Variants in IMMP2L observed in about 807,000 individuals in gnomAD.
IMMP2L encodes inner mitochondrial membrane peptidase subunit 2.
Under a neutral mutation model 19.3 loss-of-function variants are expected in IMMP2L, and 18 were observed. The observed-to-expected ratio is 0.93, with a 90% CI of 0.64 to 1.38. The LOEUF is 1.38. Ranked by LOEUF, IMMP2L falls within the 40% of genes most tolerant of loss-of-function variation. The probability of loss-of-function intolerance (pLI) is 0.00; values close to 1 mark genes in which losing one functional copy is unlikely to be tolerated. For missense variants in IMMP2L, 233 were observed against 218.2 expected (o/e 1.07, Z -0.43); for synonymous variants, 76 against 73.0 (o/e 1.04, Z -0.21).
intron 3 of IMMP2L, among the ~76,000 whole-genome samples, chr7:111,256,485 T>C (rs1374007561): frequency 2.0e-5 from 3 of 152,068 alleles, no homozygotes; most frequent in Non-Finnish European, 4.4e-5. Flanking sequence ...ATGAATAGAA[T>C]ATGTCAGTGA....
intron 3 of IMMP2L, among the ~76,000 whole-genome samples, chr7:111,140,850 C>T (rs1802806751): frequency 6.6e-6 from 1 of 152,076 alleles, no homozygotes; most frequent in Non-Finnish European, 1.5e-5. Context: ...TCTAAAGCCA[C>T]TTAGGTAAAT....
chr7:111,362,581 A>G (rs532139785), intron 3 of IMMP2L, among the ~76,000 whole-genome samples: 2 of 152,148 alleles, frequency 1.3e-5, no homozygotes, highest in Non-Finnish European at 2.9e-5. Context: ...CTTCAAAATC[A>G]CATAGCTTAT....
At chr7:111,238,216 T>C (rs534840179) in intron 3 of IMMP2L, among the ~76,000 whole-genome samples, 3 of 152,046 alleles carry the variant, frequency 2.0e-5, no homozygotes, top group African/African-American at 7.2e-5. Flanking sequence ...TCCTGTACCA[T>C]AAGGAAGAAG....
At chr7:111,136,425 T>G (rs1802352860) in intron 3 of IMMP2L, among the ~76,000 whole-genome samples, 1 of 148,334 alleles carries the variant, frequency 6.7e-6, no homozygotes, top group African/African-American at 2.6e-5. Context: ...CAATTCTATT[T>G]TAGAAATAAA....
chr7:111,196,334 C>T (rs1353001075), intron 3 of IMMP2L, among the ~76,000 whole-genome samples: 2 of 152,000 alleles, frequency 1.3e-5, no homozygotes, highest in East Asian at 1.9e-4. Context: ...AAGTTCAGAT[C>T]GGGTCATCAT....
At chr7:111,503,593 C>T (rs1419096352) in intron 2 of IMMP2L, among the ~76,000 whole-genome samples, 1 of 152,130 alleles carries the variant, frequency 6.6e-6, no homozygotes, top group Non-Finnish European at 1.5e-5. Context: ...CAAACCAAAT[C>T]CAGCAGCACA....
intron 3 of IMMP2L, among the ~76,000 whole-genome samples, chr7:111,205,255 T>C (rs1476659491): frequency 6.6e-6 from 1 of 152,150 alleles, no homozygotes; most frequent in African/African-American, 2.4e-5. Flanking sequence ...CTTAATCACT[T>C]CCTAAAGGCT....
At chr7:111,375,061 A>T (rs983148992) in intron 3 of IMMP2L, among the ~76,000 whole-genome samples, 3 of 152,030 alleles carry the variant, frequency 2.0e-5, no homozygotes, top group Non-Finnish European at 2.9e-5. Flanking sequence ...GTTGTCTCCC[A>T]CTATTTAGGA....
chr7:110,963,744 C>T (rs971910796), intron 3 of IMMP2L, among the ~76,000 whole-genome samples, 179 bp from the exon 4 acceptor site: 2 of 151,830 alleles, frequency 1.3e-5, no homozygotes, highest in African/African-American at 4.8e-5. Flanking sequence ...TGAAGTAATT[C>T]TCATTTTAAA....
At chr7:110,821,833 G>A (rs1339046394) in intron 5 of IMMP2L, among the ~76,000 whole-genome samples, 1 of 152,142 alleles carries the variant, frequency 6.6e-6, no homozygotes, top group Non-Finnish European at 1.5e-5. Context: ...TGAGGCAGGA[G>A]AATCGCTTGA....
At chr7:111,207,513 TTC>T (rs1435935832) in intron 3 of IMMP2L, among the ~76,000 whole-genome samples, 1 of 151,490 alleles carries the variant, frequency 6.6e-6, no homozygotes, top group Non-Finnish European at 1.5e-5. Flanking sequence ...CTTTCTTTCT[TTC>T]TTTTTCGTTT....
intron 3 of IMMP2L, among the ~76,000 whole-genome samples, chr7:111,226,423 C>T (rs917801991): frequency 1.3e-5 from 2 of 152,102 alleles, no homozygotes; most frequent in African/African-American, 4.8e-5. Flanking sequence ...CTGCCTCAGC[C>T]TCCCAAAGTA....
At chr7:111,267,228 C>T (rs1449129969) in intron 3 of IMMP2L, among the ~76,000 whole-genome samples, 4 of 151,780 alleles carry the variant, frequency 2.6e-5, no homozygotes, top group Non-Finnish European at 4.4e-5. Flanking sequence ...CATCAGAATA[C>T]GCATGGTCTC....
intron 3 of IMMP2L, chr7:111,124,803 T>C (rs1462562706): frequency 2.5e-6 from 4 of 1,613,098 alleles, no homozygotes; most frequent in Non-Finnish European, 3.4e-6. Flanking sequence ...GTGAGCTTTA[T>C]CCTCCTCTGA....
chr7:110,800,287 T>C (rs1052653031), intron 5 of IMMP2L, among the ~76,000 whole-genome samples: 5 of 152,030 alleles, frequency 3.3e-5, no homozygotes, highest in South Asian at 2.1e-4. Context: ...ACTTTGAGAA[T>C]GAATGACAAT....
At chr7:110,938,581 A>G (rs1261145040) in intron 4 of IMMP2L, among the ~76,000 whole-genome samples, 1 of 152,192 alleles carries the variant, frequency 6.6e-6, no homozygotes, top group Non-Finnish European at 1.5e-5. Context: ...GCATTTGAAT[A>G]AGGTAAGCAC....
At chr7:110,959,145 TATAA>T (rs1390935462) in intron 4 of IMMP2L, among the ~76,000 whole-genome samples, 10 of 152,116 alleles carry the variant, frequency 6.6e-5, no homozygotes, top group African/African-American at 2.4e-4. Flanking sequence ...CTACAGTAAG[TATAA>T]ATAAGTCCTA....
intron 3 of IMMP2L, among the ~76,000 whole-genome samples, chr7:111,482,578 A>G (rs1373613425): frequency 1.3e-5 from 2 of 151,972 alleles, no homozygotes; most frequent in Admixed American, 6.6e-5. Flanking sequence ...CGGTAGACTT[A>G]TTTCTAGAAT....
At chr7:111,533,809 T>C (rs947560224) in intron 1 of IMMP2L, among the ~76,000 whole-genome samples, 2 of 152,064 alleles carry the variant, frequency 1.3e-5, no homozygotes, top group Non-Finnish European at 2.9e-5. Context: ...TTTCTGAACA[T>C]TTTACAAAAT....
Sources: allele counts gnomAD v4.1 joint callset (sites outside exome capture counted in the v4.1 genomes callset), GRCh38; gene constraint gnomAD v4.1.1; transcripts MANE v1.5; gene names NCBI Gene and HGNC (gene_info 2026-07-23, HGNC 2026-07-21).